SLC25A13: variants seen among roughly 807,000 people sequenced by gnomAD.
SLC25A13 encodes electrogenic aspartate/glutamate antiporter SLC25A13, mitochondrial.
A neutral mutation model predicts 85.5 loss-of-function variants in SLC25A13; 70 were observed. The ratio of observed to expected loss-of-function variants is 0.82; its 90% CI spans 0.68 to 1.00. The LOEUF is 1.00. SLC25A13 is among the 50% of genes least tolerant of loss of function. SLC25A13 has a pLI of 0.00. For synonymous variants in SLC25A13, 259 were observed against 288.7 expected, an observed-to-expected ratio of 0.90 and a Z score of 1.04; for missense variants, 765 against 819.8, an observed-to-expected ratio of 0.93 and a Z score of 0.82.
At chr7:96,254,967 G>A (rs1020406607) in intron 3 of SLC25A13, among the ~76,000 whole-genome samples, 8 of 151,982 alleles carry the variant, frequency 5.3e-5, no homozygotes, top group African/African-American at 1.9e-4. Context: ...ATTAAATTAA[G>A]TTGAAAATAA....
chr7:96,180,187 C>T (rs1370116759), intron 11 of SLC25A13, among the ~76,000 whole-genome samples: 1 of 151,566 alleles, frequency 6.6e-6, no homozygotes, highest in African/African-American at 2.4e-5. Context: ...TTTTTTTTGC[C>T]AATTTCCTCA....
intron 4 of SLC25A13, among the ~76,000 whole-genome samples, chr7:96,220,346 C>T (rs1468270420): frequency 1.3e-5 from 2 of 152,198 alleles, no homozygotes; most frequent in Non-Finnish European, 2.9e-5. Context: ...CAAATGTACA[C>T]CCACAGTGAT....
At chr7:96,183,766 C>T (rs1794509908) in intron 11 of SLC25A13, among the ~76,000 whole-genome samples, 1 of 152,032 alleles carries the variant, frequency 6.6e-6, no homozygotes, top group African/African-American at 2.4e-5. Context: ...TGGGGGGAAA[C>T]CTTGGCTAGA....
chr7:96,212,221 T>C (rs1026640486), intron 4 of SLC25A13, among the ~76,000 whole-genome samples: 6 of 152,186 alleles, frequency 3.9e-5, no homozygotes, highest in Non-Finnish European at 5.9e-5. Context: ...CCTGAGGATG[T>C]AGGCCCATTA....
chr7:96,153,271 A>C (rs1793120107), intron 13 of SLC25A13, among the ~76,000 whole-genome samples: 2 of 152,258 alleles, frequency 1.3e-5, no homozygotes, highest in Non-Finnish European at 2.9e-5. Context: ...CACAAGAACA[A>C]CTAAAGTTCT....
intron 14 of SLC25A13, among the ~76,000 whole-genome samples, chr7:96,136,306 T>C (rs888675232): frequency 6.6e-6 from 1 of 152,220 alleles, no homozygotes. Context: ...CAGCATATCA[T>C]GGCAAAAGAA....
At chr7:96,312,359 G>C (rs760417277) in intron 1 of SLC25A13, among the ~76,000 whole-genome samples, 3 of 152,102 alleles carry the variant, frequency 2.0e-5, no homozygotes, top group Non-Finnish European at 4.4e-5. Flanking sequence ...AAAGTGCTTG[G>C]AACAGTGTCC....
intron 3 of SLC25A13, among the ~76,000 whole-genome samples, chr7:96,269,874 A>G (rs1338828010): frequency 6.6e-6 from 1 of 152,208 alleles, no homozygotes; most frequent in Non-Finnish European, 1.5e-5. Flanking sequence ...GACAAATACT[A>G]CATGATCTCA....
chr7:96,167,912 A>G (rs1387053184), intron 13 of SLC25A13, among the ~76,000 whole-genome samples: 2 of 152,064 alleles, frequency 1.3e-5, no homozygotes, highest in Non-Finnish European at 2.9e-5. Context: ...ATCCTGGCCA[A>G]CATGGTGAAA....
At chr7:96,308,265 CACAACTTGAGACAATCTA>C (rs1447866067) in intron 1 of SLC25A13, among the ~76,000 whole-genome samples, 11 of 152,168 alleles carry the variant, frequency 7.2e-5, no homozygotes, top group Admixed American at 3.3e-4. Flanking sequence ...ATGAAAACAG[CACAACTTGAGACAATCTA>C]GCAGCGCCTT....
intron 3 of SLC25A13, among the ~76,000 whole-genome samples, chr7:96,261,774 A>G (rs1298610705): frequency 3.9e-5 from 6 of 152,212 alleles, no homozygotes; most frequent in Non-Finnish European, 8.8e-5. Context: ...TTAAAAATTT[A>G]CTTCCTCACT....
rs181600115 is a variant in SLC25A13, at chr7:96,161,960, A to G, written c.1311+8085T>C. ...AAAAAATTAACATTATTGCTATAGC[A>G]TCACTATAATGCATAATGTATCTTG... On this transcript the variant is annotated intron_variant, in intron 13 of 17. Transcript: ENST00000265631. Among the ~76,000 whole-genome samples the G allele has an allele frequency of 8.0e-3, 1,224 of 152,370 alleles. 12 individuals carry two copies. The highest frequency in any genetic ancestry group is 7.9e-3 in the Non-Finnish European group (540 of 68,036).
intron 3 of SLC25A13, among the ~76,000 whole-genome samples, chr7:96,275,775 T>C (rs907872964): frequency 1.3e-5 from 2 of 152,076 alleles, no homozygotes; most frequent in Non-Finnish European, 2.9e-5. Context: ...TTAGGAGATA[T>C]ACCTAATGTT....
At chr7:96,205,206 C>G (rs1264908743) in intron 5 of SLC25A13, among the ~76,000 whole-genome samples, 1 of 152,154 alleles carries the variant, frequency 6.6e-6, no homozygotes, top group African/African-American at 2.4e-5. Flanking sequence ...CCACGCCCAG[C>G]CCATTAATAC....
chr7:96,121,460 A>G, intron 17 of SLC25A13, 83 bp from the exon 18 acceptor site: 1 of 1,524,468 alleles, frequency 6.6e-7, no homozygotes, highest in Non-Finnish European at 9.1e-7. Context: ...ACCTGTTCAA[A>G]TATTTAATGT....
chr7:96,279,720 T>A (rs1798598023), intron 2 of SLC25A13, among the ~76,000 whole-genome samples: 1 of 152,216 alleles, frequency 6.6e-6, no homozygotes, highest in Admixed American at 6.5e-5. Context: ...AGACTAAATA[T>A]CAGAGAGTTT....
intron 3 of SLC25A13, among the ~76,000 whole-genome samples, chr7:96,243,304 C>T (rs1797062584): frequency 6.6e-6 from 1 of 152,112 alleles, no homozygotes; most frequent in Non-Finnish European, 1.5e-5. Context: ...CAAATGTGTA[C>T]CCTGTTCCTA....
intron 3 of SLC25A13, among the ~76,000 whole-genome samples, chr7:96,259,145 G>A (rs1363987960): frequency 6.6e-6 from 1 of 152,102 alleles, no homozygotes; most frequent in Non-Finnish European, 1.5e-5. Context: ...TTCAGACATA[G>A]GCATATGCAA....
At chr7:96,245,389 C>T (rs976248549) in intron 3 of SLC25A13, among the ~76,000 whole-genome samples, 7 of 152,148 alleles carry the variant, frequency 4.6e-5, no homozygotes, top group African/African-American at 7.2e-5. Flanking sequence ...GCTCCGATCA[C>T]GGCCAATCCC....
Sources: gnomAD v4.1 joint callset for allele counts (sites outside exome capture counted in the v4.1 genomes callset) on GRCh38, gnomAD v4.1.1 for gene constraint, MANE v1.5 for transcripts, NCBI Gene and HGNC (gene_info 2026-07-23, HGNC 2026-07-21) for gene names.